CD2AP: variants seen among roughly 807,000 people sequenced by gnomAD.
CD2AP encodes the protein CD2-associated protein.
A neutral mutation model predicts 85.1 loss-of-function variants in CD2AP; 46 were observed. The ratio of observed to expected loss-of-function variants is 0.54; its 90% CI spans 0.43 to 0.69. The LOEUF (loss-of-function observed/expected upper bound fraction) is 0.69. Among genes scored for constraint, CD2AP ranks in the 30% least tolerant of loss-of-function variants. CD2AP has a pLI of 0.00. For missense variants in CD2AP, 769 were observed against 729.5 expected (o/e 1.05, Z -0.62); for synonymous variants, 255 against 252.9 (o/e 1.01, Z -0.08).
intron 13 of CD2AP, 47 bp downstream of exon 13, chr6:47,599,490 CAAAG>C (rs755455325): frequency 3.6e-5 from 55 of 1,518,124 alleles, no homozygotes; most frequent in African/African-American, 3.2e-4. Flanking sequence ...AAAAAATTGT[CAAAG>C]AAACTCTTTA....
intron 5 of CD2AP, among the ~76,000 whole-genome samples, chr6:47,563,980 G>A (rs1418840289): frequency 6.6e-6 from 1 of 152,126 alleles, no homozygotes; most frequent in South Asian, 2.1e-4. Flanking sequence ...TAATGGAGAT[G>A]CTGATTGTAT....
At chr6:47,579,527 G>C (rs1320009855) in intron 9 of CD2AP, 38 bp downstream of exon 9, 1 of 1,284,946 alleles carries the variant, frequency 7.8e-7, no homozygotes, top group East Asian at 2.3e-5. Flanking sequence ...ATACTTGAAA[G>C]AACATTTTGC....
rs1769929707 is a variant in CD2AP, at chr6:47,627,130, T to C, written c.*2903T>C. 6.6e-6 allele frequency: 1 copy of C among 152,546 alleles called. No homozygotes were observed. Among genetic ancestry groups the C allele is most frequent in the Admixed American group, 6.5e-5 (1 of 15,276 alleles). The allele number at this position is 152,546 out of a possible 1,614,324, so 9.4% of individuals were successfully genotyped here. Reference sequence around the variant, plus strand: ...CTCAAAAAGAAAAATTAAAGGATTTTATTGCCAGTCGTGTCAGTCTTTATT... The same window carrying C: ...CTCAAAAAGAAAAATTAAAGGATTTCATTGCCAGTCGTGTCAGTCTTTATT... On this transcript the variant is annotated 3_prime_UTR_variant, in exon 18 of 18. Coordinates refer to ENST00000359314, the MANE Select transcript of CD2AP (RefSeq NM_012120.3).
intron 5 of CD2AP, among the ~76,000 whole-genome samples, chr6:47,565,792 T>G (rs1328944786): frequency 6.6e-6 from 1 of 152,208 alleles, no homozygotes; most frequent in Non-Finnish European, 1.5e-5. Context: ...TATCTTTTGC[T>G]GTATAATTAC....
At chr6:47,484,119 C>G (rs1181052659) in intron 1 of CD2AP, among the ~76,000 whole-genome samples, 1 of 151,968 alleles carries the variant, frequency 6.6e-6, no homozygotes, top group Non-Finnish European at 1.5e-5. Flanking sequence ...CCCTCATACT[C>G]CTCCCAGCTT....
chr6:47,581,132 T>A (rs1326401179), intron 10 of CD2AP, among the ~76,000 whole-genome samples: 1 of 152,186 alleles, frequency 6.6e-6, no homozygotes, highest in Non-Finnish European at 1.5e-5. Flanking sequence ...TATGTAATTT[T>A]GAGTTAATAA....
At chr6:47,583,557 T>C (rs1768538412) in intron 11 of CD2AP, among the ~76,000 whole-genome samples, 1 of 152,238 alleles carries the variant, frequency 6.6e-6, no homozygotes, top group Non-Finnish European at 1.5e-5. Context: ...CACTTAATTA[T>C]ATGCCTTTAA....
chr6:47,479,019 AAGG>A (rs1454062440), intron 1 of CD2AP, among the ~76,000 whole-genome samples: 2 of 152,224 alleles, frequency 1.3e-5, no homozygotes, highest in East Asian at 3.8e-4. Context: ...CCGGGTTGAA[AAGG>A]AGTTTTGTTA....
chr6:47,527,116 T>C (rs1227481272), intron 2 of CD2AP, among the ~76,000 whole-genome samples: 3 of 151,238 alleles, frequency 2.0e-5, no homozygotes, highest in South Asian at 2.1e-4. Context: ...TCCCCCCCGA[T>C]TGAAAAATAT....
intron 13 of CD2AP, among the ~76,000 whole-genome samples, chr6:47,605,416 G>A (rs1410619406): frequency 6.6e-6 from 1 of 151,840 alleles, no homozygotes; most frequent in Admixed American, 6.6e-5. Context: ...GAGTAGATTT[G>A]TCCTTAAACC....
At chr6:47,525,624 T>C (rs991373566) in intron 2 of CD2AP, among the ~76,000 whole-genome samples, 1 of 152,174 alleles carries the variant, frequency 6.6e-6, no homozygotes, top group African/African-American at 2.4e-5. Context: ...TTGTTGATTA[T>C]CTTTTTAGTT....
chr6:47,587,482 C>CT (rs1768663802), intron 11 of CD2AP, among the ~76,000 whole-genome samples: 1 of 152,192 alleles, frequency 6.6e-6, no homozygotes, highest in South Asian at 2.1e-4. Flanking sequence ...CTCAAACCTG[C>CT]TTAGCAGTTC....
intron 12 of CD2AP, 95 bp from the exon 13 acceptor site, chr6:47,599,206 A>G (rs561371728): frequency 2.0e-6 from 2 of 980,568 alleles, no homozygotes; most frequent in East Asian, 5.0e-5. Context: ...AGTAATCGGT[A>G]TTAGGCCATA....
chr6:47,543,524 TC>T (rs1767287676), intron 3 of CD2AP, among the ~76,000 whole-genome samples: 1 of 152,224 alleles, frequency 6.6e-6, no homozygotes, highest in Non-Finnish European at 1.5e-5. Context: ...AAGTCCAAGA[TC>T]AAGATACTGT....
At chr6:47,488,010 A>G (rs895811405) in intron 1 of CD2AP, among the ~76,000 whole-genome samples, 8 of 150,454 alleles carry the variant, frequency 5.3e-5, no homozygotes, top group Non-Finnish European at 1.0e-4. Flanking sequence ...CTGTTTCAAG[A>G]TAATGGATGA....
chr6:47,507,582 A>G (rs1766206158), intron 2 of CD2AP, among the ~76,000 whole-genome samples: 1 of 151,976 alleles, frequency 6.6e-6, no homozygotes, highest in Non-Finnish European at 1.5e-5. Flanking sequence ...CTCCCCTTGG[A>G]TTACAGGCTC....
intron 15 of CD2AP, among the ~76,000 whole-genome samples, chr6:47,608,729 A>G (rs760797223): frequency 2.0e-5 from 3 of 152,166 alleles, no homozygotes; most frequent in Non-Finnish European, 4.4e-5. Context: ...GACCTATTAA[A>G]TTGTTCACAA....
intron 13 of CD2AP, among the ~76,000 whole-genome samples, chr6:47,600,915 T>A (rs529424501): frequency 6.6e-6 from 1 of 152,046 alleles, no homozygotes; most frequent in East Asian, 1.9e-4. Context: ...ATTTGGGGGA[T>A]CTTTATCACA....
At chr6:47,516,136 T>C (rs977378565) in intron 2 of CD2AP, among the ~76,000 whole-genome samples, 4 of 152,224 alleles carry the variant, frequency 2.6e-5, no homozygotes, top group African/African-American at 9.6e-5. Flanking sequence ...ATAGTTTACA[T>C]TGTGGTACCA....
Sources: allele counts gnomAD v4.1 joint callset (sites outside exome capture counted in the v4.1 genomes callset), GRCh38; gene constraint gnomAD v4.1.1; transcripts MANE v1.5; gene names NCBI Gene and HGNC (gene_info 2026-07-23, HGNC 2026-07-21).